ZFHX3: variants seen among roughly 807,000 people sequenced by gnomAD.
ZFHX3 encodes the protein zinc finger homeobox protein 3.
A neutral mutation model predicts 279.1 loss-of-function variants in ZFHX3; 42 were observed. That is an observed-to-expected ratio of 0.15 (90% CI 0.12 to 0.19). The LOEUF is 0.19. Ranked by LOEUF, ZFHX3 falls within the 10% of genes least tolerant of loss-of-function variation. The probability of loss-of-function intolerance (pLI) is 1.00; values close to 1 mark genes in which losing one functional copy is unlikely to be tolerated. For synonymous variants in ZFHX3, 2,293 were observed against 1,957.8 expected, an observed-to-expected ratio of 1.17 and a Z score of -4.52; for missense variants, 4,981 against 4,754.0, an observed-to-expected ratio of 1.05 and a Z score of -1.40.
chr16:73,768,304 A>C (rs2053977271), intron 1 of ZFHX3, among the ~76,000 whole-genome samples: 1 of 152,216 alleles, frequency 6.6e-6, no homozygotes, highest in Non-Finnish European at 1.5e-5. Flanking sequence ...GCCTCTGGGC[A>C]CAAAGGAGGG....
chr16:73,682,882 GAA>G (rs780101734), intron 1 of ZFHX3, among the ~76,000 whole-genome samples: 8,019 of 44,364 alleles, frequency 0.18, 598 homozygotes, highest in East Asian at 0.43. Context: ...AAGAAAGAAA[GAA>G]AGAAAGAAAG....
chr16:73,122,210 G>C (rs1427052848), intron 7 of ZFHX3, among the ~76,000 whole-genome samples: 1 of 151,112 alleles, frequency 6.6e-6, no homozygotes, highest in Non-Finnish European at 1.5e-5. Context: ...ACATACAACT[G>C]CTCTTTTTTT....
intron 3 of ZFHX3, among the ~76,000 whole-genome samples, chr16:73,418,079 G>A (rs187961309): frequency 6.6e-6 from 1 of 151,596 alleles, no homozygotes; most frequent in Admixed American, 6.6e-5. Flanking sequence ...ATAAAGCACA[G>A]CAGCTGACCA....
chr16:73,285,994 C>T (rs1362789259), intron 4 of ZFHX3, among the ~76,000 whole-genome samples: 2 of 152,308 alleles, frequency 1.3e-5, no homozygotes, highest in East Asian at 3.9e-4. Context: ...ATTTATTATA[C>T]ATTTTGGAAT....
intron 5 of ZFHX3, among the ~76,000 whole-genome samples, chr16:73,176,215 A>G (rs1967660351): frequency 6.6e-6 from 1 of 152,234 alleles, no homozygotes; most frequent in South Asian, 2.1e-4. Context: ...TAACGCCCAG[A>G]ATAAGTTCAA....
intron 1 of ZFHX3, among the ~76,000 whole-genome samples, chr16:73,762,027 T>C (rs927470883): frequency 4.0e-5 from 6 of 151,708 alleles, no homozygotes; most frequent in African/African-American, 1.5e-4. Flanking sequence ...AAAGAAACTA[T>C]CATCAGAGCA....
chr16:73,119,117 T>G (rs892528801), intron 7 of ZFHX3, among the ~76,000 whole-genome samples: 7 of 151,476 alleles, frequency 4.6e-5, no homozygotes, highest in Admixed American at 2.0e-4. Context: ...TATTTTTATT[T>G]TTTTGAGACA....
At chr16:73,515,858 T>C (rs1045450663) in intron 2 of ZFHX3, among the ~76,000 whole-genome samples, 3 of 152,228 alleles carry the variant, frequency 2.0e-5, no homozygotes, top group African/African-American at 7.2e-5. Flanking sequence ...GCTGGACTGA[T>C]GGGCTAACTC....
At chr16:73,253,709 C>T (rs1201440369) in intron 5 of ZFHX3, among the ~76,000 whole-genome samples, 3 of 152,032 alleles carry the variant, frequency 2.0e-5, no homozygotes, top group African/African-American at 7.2e-5. Context: ...CCCACCTCGG[C>T]CTCCCAAAGT....
chr16:73,100,541 T>C (rs1966217905), intron 7 of ZFHX3, among the ~76,000 whole-genome samples: 1 of 152,092 alleles, frequency 6.6e-6, no homozygotes. Context: ...AGTTTTCTGA[T>C]TTCCAGGTTA....
At chr16:73,480,133 A>G (rs1354772883) in intron 2 of ZFHX3, among the ~76,000 whole-genome samples, 1 of 151,454 alleles carries the variant, frequency 6.6e-6, no homozygotes, top group African/African-American at 2.4e-5. Flanking sequence ...TCCAGATTAA[A>G]TCGTCCTGGC....
intron 1 of ZFHX3, among the ~76,000 whole-genome samples, chr16:73,776,381 C>T (rs957855690): frequency 8.6e-5 from 13 of 152,044 alleles, no homozygotes; most frequent in Non-Finnish European, 1.3e-4. Flanking sequence ...CAGTTCTATG[C>T]GCTACTCTAA....
chr16:73,856,430 C>T (rs545129874), intron 1 of ZFHX3, among the ~76,000 whole-genome samples: 4 of 152,266 alleles, frequency 2.6e-5, no homozygotes, highest in East Asian at 1.9e-4. Context: ...CCAACCCCCA[C>T]CCCTTGGCAA....
At chr16:73,674,975 A>G (rs926923560) in intron 2 of ZFHX3, among the ~76,000 whole-genome samples, 4 of 152,116 alleles carry the variant, frequency 2.6e-5, no homozygotes, top group Non-Finnish European at 5.9e-5. Context: ...TTGCTGTTAT[A>G]AGCTGCTACA....
At chr16:73,703,030 A>G (rs1276413851) in intron 1 of ZFHX3, among the ~76,000 whole-genome samples, 2 of 152,204 alleles carry the variant, frequency 1.3e-5, no homozygotes, top group Non-Finnish European at 2.9e-5. Flanking sequence ...AAGAGCTGAG[A>G]GCAAACAGAA....
At chr16:73,707,648 A>G (rs2053317998) in intron 1 of ZFHX3, among the ~76,000 whole-genome samples, 1 of 151,528 alleles carries the variant, frequency 6.6e-6, no homozygotes, top group African/African-American at 2.4e-5. Flanking sequence ...CTAAATGACA[A>G]GTTAATGGGT....
At chr16:73,764,573 A>G (rs920287801) in intron 1 of ZFHX3, among the ~76,000 whole-genome samples, 4 of 152,176 alleles carry the variant, frequency 2.6e-5, no homozygotes, top group Admixed American at 6.5e-5. Flanking sequence ...CTTCCAAGGA[A>G]AACAGCCAAT....
At chr16:73,633,786 TACTC>T (rs1266516525) in intron 2 of ZFHX3, among the ~76,000 whole-genome samples, 1 of 151,976 alleles carries the variant, frequency 6.6e-6, no homozygotes, top group Non-Finnish European at 1.5e-5. Context: ...TAATCCCAGA[TACTC>T]AGGAGGCTGA....
intron 2 of ZFHX3, among the ~76,000 whole-genome samples, chr16:73,483,936 T>C (rs865895344): frequency 2.4e-4 from 37 of 151,204 alleles, no homozygotes; most frequent in African/African-American, 8.7e-4. Flanking sequence ...CTTTGTTTTT[T>C]TTTTTTTTTT....
Sources: allele counts gnomAD v4.1 joint callset (sites outside exome capture counted in the v4.1 genomes callset), GRCh38; gene constraint gnomAD v4.1.1; transcripts MANE v1.5; gene names NCBI Gene and HGNC (gene_info 2026-07-23, HGNC 2026-07-21).